The following UBAP2 variants were observed in gnomAD, a reference collection of about 807,000 sequenced individuals.
UBAP2 encodes ubiquitin-associated protein 2.
UBAP2 carries 75 observed loss-of-function variants against 139.6 expected under a neutral mutation model. The ratio of observed to expected loss-of-function variants is 0.54; its 90% CI spans 0.45 to 0.65. UBAP2 has a LOEUF of 0.65. UBAP2 is among the 30% of genes least tolerant of loss of function. The pLI is 0.00. For missense variants in UBAP2, 1,368 were observed against 1,369.6 expected (o/e 1.00, Z 0.02); for synonymous variants, 526 against 526.2 (o/e 1.00, Z 0.01).
At chr9:33,943,642 C>T in intron 14 of UBAP2, 53 bp from the exon 15 acceptor site, 2 of 1,593,886 alleles carry the variant, frequency 1.3e-6, no homozygotes, top group Non-Finnish European at 1.7e-6. Flanking sequence ...TTCCAGGTCA[C>T]AAAGGCCTAT....
chr9:34,043,822 T>TTTTTTTTTTTCCCC (rs1827309762), intron 1 of UBAP2, among the ~76,000 whole-genome samples: 1 of 67,388 alleles, frequency 1.5e-5, no homozygotes, highest in Non-Finnish European at 3.0e-5. Flanking sequence ...AAACATATAC[T>TTTTTTTTTTTCCCC]CCATGTTTCA....
chr9:33,974,529 C>T (rs1474892247), intron 6 of UBAP2, among the ~76,000 whole-genome samples: 1 of 151,970 alleles, frequency 6.6e-6, no homozygotes, highest in Non-Finnish European at 1.5e-5. Context: ...AAAAACACCA[C>T]GGTACCAACA....
Position 33,943,506 on chromosome 9 carries a change from T to C in UBAP2, c.1629A>G (p.Ser543=). The change falls in exon 15 of 29, where the codon TCA becomes TCG. Residue 543 remains serine (S), a synonymous_variant. Transcript: ENST00000379238. ...NVQFGALEFG[S]EPSLSEFGSA... ...ATCCAAATTCAGAGAGAGAAGGTTC[T>C]GACCCAAATTCCAGAGCCCCAAACT... The C allele has an allele frequency of 6.2e-7, 1 of 1,614,254 alleles. No individual in the cohort carries two copies. The highest frequency in any genetic ancestry group is 8.5e-7 in the Non-Finnish European group (1 of 1,180,048).
chr9:33,989,444 G>A (rs773103646), intron 4 of UBAP2, among the ~76,000 whole-genome samples: 1 of 152,050 alleles, frequency 6.6e-6, no homozygotes, highest in African/African-American at 2.4e-5. Context: ...CTCGTGATCT[G>A]CCCGCCTTGG....
Position 33,923,313 on chromosome 9 carries a change from G to C in UBAP2, c.2897-20C>G. 6.2e-7 allele frequency: 1 copy of C among 1,614,124 alleles called. No homozygotes were observed. The highest frequency in any genetic ancestry group is 1.1e-5 in the South Asian group (1 of 91,082). On this transcript the variant is annotated intron_variant, in intron 25 of 28. Coordinates refer to ENST00000379238, the MANE Select transcript of UBAP2 (RefSeq NM_001370062.2). The stretch of plus-strand genomic sequence containing the variant: ...CATAACCTAGCGTGGCAGGGTACAA[G>C]AGGCAAGTGTGAGCCAGGCAAGCCT...
intron 5 of UBAP2, among the ~76,000 whole-genome samples, chr9:33,987,413 G>C (rs1821315059): frequency 6.6e-6 from 1 of 151,842 alleles, no homozygotes; most frequent in African/African-American, 2.4e-5. Context: ...CTCTGTCTCA[G>C]AAAAAATACA....
chr9:33,923,776 C>T lies in UBAP2; in HGVS notation c.2796+19G>A, dbSNP rs780518899. Reference sequence around the variant, plus strand: ...AACCCAAGGCCAGGAGACACAGTCACACCCTCTGAAATACTCACAAACATG... The same window carrying T: ...AACCCAAGGCCAGGAGACACAGTCATACCCTCTGAAATACTCACAAACATG... On this transcript the variant is annotated intron_variant, in intron 24 of 28. Transcript: ENST00000379238. 3 of 1,613,050 alleles carry T rather than the reference C, an allele frequency of 1.9e-6. No individual in the cohort carries two copies. The South Asian group carries it at 3.3e-5, about 18-fold the overall frequency.
At chr9:34,039,333 G>A (rs920727212) in intron 1 of UBAP2, among the ~76,000 whole-genome samples, 7 of 152,292 alleles carry the variant, frequency 4.6e-5, no homozygotes, top group East Asian at 1.9e-4. Context: ...CTGCCCGGCC[G>A]CCACCTCATC....
rs559162162 is a variant in UBAP2, at chr9:34,012,824, G to A, written c.99+4226C>T. On this transcript the variant is annotated intron_variant, in intron 2 of 28. Transcript: ENST00000379238. The stretch of plus-strand genomic sequence containing the variant: ...TTCATATTCCCATTGCAACTTTTCC[G>A]TAAATCTCACAATGTATTTTTTTTT... Among the ~76,000 whole-genome samples the A allele has an allele frequency of 1.4e-4, 21 of 149,682 alleles. No individual in the cohort carries two copies. The South Asian group carries it at 4.0e-3, about 29-fold the overall frequency.
At position 33,968,384 on chromosome 9, in the gene UBAP2, C is replaced by T. The variant is rs1294227979; in HGVS notation, c.679+3267G>A. 16 of 571,074 alleles carry T rather than the reference C, an allele frequency of 2.8e-5. No homozygotes were observed. In the East Asian group the frequency reaches 7.3e-4, roughly 26 times the overall value. The allele number at this position is 571,074 out of a possible 1,614,324, so 35.4% of individuals were successfully genotyped here. On this transcript the variant is annotated intron_variant, in intron 8 of 28. Coordinates refer to ENST00000379238, the MANE Select transcript of UBAP2 (RefSeq NM_001370062.2). ...AACAATAACATCATAAATTATTCCT[C>T]TGGTGATGAGGAAGCAAGACACCAC...
intron 8 of UBAP2, among the ~76,000 whole-genome samples, chr9:33,969,486 C>T (rs1168024386): frequency 6.6e-6 from 1 of 151,310 alleles, no homozygotes; most frequent in East Asian, 1.9e-4. Flanking sequence ...TGGTTCAAGG[C>T]TACAGTGAGC....
In UBAP2 at chr9:33,927,846, G is replaced by A. The variant is rs149161309; in HGVS notation, c.2322C>T (p.Pro774=). 8.6e-5 allele frequency: 138 copies of A among 1,613,958 alleles called. No homozygotes were observed. Among genetic ancestry groups the A allele is most frequent in the Non-Finnish European group, 1.1e-4 (127 of 1,180,012 alleles). The change falls in exon 20 of 29, where the codon CCC becomes CCT. Residue 774 remains proline (P), a synonymous_variant. Coordinates refer to ENST00000379238, the MANE Select transcript of UBAP2 (RefSeq NM_001370062.2). The part of the protein sequence containing the change: ...TANSLCLGGT[P]ASASSSSSRA... The stretch of plus-strand genomic sequence containing the variant: ...TGCTACTGCTGCTGGATGCACTCGC[G>A]GGGGTCCCACCCAGACAGAGGCTGT...
At chr9:34,001,166 G>A (rs1369286960) in intron 2 of UBAP2, among the ~76,000 whole-genome samples, 1 of 152,210 alleles carries the variant, frequency 6.6e-6, no homozygotes, top group Non-Finnish European at 1.5e-5. Context: ...TGGGTTTGGA[G>A]TAATGACAAC....
In UBAP2 at chr9:33,967,291, C is replaced by T. The variant is rs568684876; in HGVS notation, c.680-3500G>A. Among the ~76,000 whole-genome samples, 3 of 152,288 alleles carry T rather than the reference C, an allele frequency of 2.0e-5. No homozygotes were observed. In the East Asian group the frequency reaches 5.8e-4, roughly 29 times the overall value. On this transcript the variant is annotated intron_variant, in intron 8 of 28. Transcript: ENST00000379238. Reference sequence around the variant, plus strand: ...TCACAAAAAACAACGGTTTATTCTCCCTTTCCAATCCTTATGACTTACTTA... The same window carrying T: ...TCACAAAAAACAACGGTTTATTCTCTCTTTCCAATCCTTATGACTTACTTA...
chr9:33,978,303 A>G (rs576286), intron 6 of UBAP2, among the ~76,000 whole-genome samples: 122,579 of 151,758 alleles, frequency 0.81, 49,626 homozygotes, highest in Middle Eastern at 0.87. Flanking sequence ...GTAGGTCAAG[A>G]TGGGAGGATC....
intron 4 of UBAP2, chr9:33,995,171 A>C (rs540116032): frequency 6.6e-6 from 1 of 152,092 alleles, no homozygotes; most frequent in South Asian, 2.1e-4. Flanking sequence ...AGTCTGGCCA[A>C]CATGGCGAAA....
At chr9:33,957,950 AG>A (rs1408073310) in intron 10 of UBAP2, among the ~76,000 whole-genome samples, 1 of 152,052 alleles carries the variant, frequency 6.6e-6, no homozygotes, top group East Asian at 1.9e-4. Flanking sequence ...GTGTGTGGGA[AG>A]GGTTTTTTTT....
At chr9:34,010,731 G>A (rs10814060) in intron 2 of UBAP2, among the ~76,000 whole-genome samples, 91,303 of 151,716 alleles carry the variant, frequency 0.6, 27,850 homozygotes, top group East Asian at 0.82. Context: ...GGCTTGGGGT[G>A]GTAGATGTGT....
chr9:33,938,507 T>C (rs1824793222), intron 16 of UBAP2, among the ~76,000 whole-genome samples: 1 of 152,106 alleles, frequency 6.6e-6, no homozygotes, highest in Admixed American at 6.5e-5. Context: ...CAAAAACAGC[T>C]TGTCATTGGC....
Sources: gnomAD v4.1 joint callset for allele counts (sites outside exome capture counted in the v4.1 genomes callset) on GRCh38, gnomAD v4.1.1 for gene constraint, MANE v1.5 for transcripts, NCBI Gene and HGNC (gene_info 2026-07-23, HGNC 2026-07-21) for gene names.